COL4A3: variants seen among roughly 807,000 people sequenced by gnomAD.
COL4A3 encodes the protein collagen type IV alpha 3 chain.
COL4A3 carries 135 observed loss-of-function variants against 217.4 expected under a neutral mutation model. The observed-to-expected ratio is 0.62, with a 90% confidence interval of 0.54 to 0.72. The LOEUF is 0.72. COL4A3 is among the 30% of genes least tolerant of loss of function. COL4A3 has a pLI of 0.00. For synonymous variants in COL4A3, 690 were observed against 736.3 expected (o/e 0.94, Z 1.02); for missense variants, 1,868 against 2,119.9 (o/e 0.88, Z 2.33).
At chr2:227,199,253 T>C (rs2066594524) in intron 1 of COL4A3, among the ~76,000 whole-genome samples, 1 of 152,208 alleles carries the variant, frequency 6.6e-6, no homozygotes, top group African/African-American at 2.4e-5. Context: ...GCAACCTCAG[T>C]AGTTTTATAG....
At chr2:227,198,930 C>T (rs933439757) in intron 1 of COL4A3, among the ~76,000 whole-genome samples, 7 of 152,014 alleles carry the variant, frequency 4.6e-5, no homozygotes, top group African/African-American at 1.2e-4. Context: ...CTTTTAGAGG[C>T]AGGATGAAGT....
At chr2:227,257,535 A>G in intron 17 of COL4A3, 68 bp from the exon 18 acceptor site, 2 of 1,286,306 alleles carry the variant, frequency 1.6e-6, no homozygotes, top group Non-Finnish European at 2.3e-6. Flanking sequence ...TTAACTGTAC[A>G]TCTTGCTTTT....
intron 1 of COL4A3, among the ~76,000 whole-genome samples, chr2:227,173,609 A>G (rs952136772): frequency 6.6e-6 from 1 of 152,202 alleles, no homozygotes; most frequent in Non-Finnish European, 1.5e-5. Context: ...TCCATGCTAT[A>G]CAATAGAAAT....
At position 227,253,674 on chromosome 2, in the gene COL4A3, C is replaced by T. The variant is rs776362403; in HGVS notation, c.765+36C>T. On this transcript the variant is annotated intron_variant, in intron 13 of 51. Transcript: ENST00000396578. The surrounding 1 kb of genome is among the most constrained non-coding windows in gnomAD (Gnocchi z 4.4). The stretch of plus-strand genomic sequence containing the variant: ...GATTTTATGATTAGTGTTGTGCCTT[C>T]CCGTGTCTAGGATGAAGTCCTTGTG... 1.3e-6 allele frequency: 2 copies of T among 1,561,192 alleles called. No individual in the cohort carries two copies. The highest frequency in any genetic ancestry group is 1.8e-6 in the Non-Finnish European group (2 of 1,131,826).
chr2:227,225,788 T>C (rs1014621700), intron 1 of COL4A3, among the ~76,000 whole-genome samples: 1 of 150,960 alleles, frequency 6.6e-6, no homozygotes, highest in Non-Finnish European at 1.5e-5. Flanking sequence ...CTCTGCTTAC[T>C]GCAACCTCCA....
At chr2:227,256,609 G>T in intron 17 of COL4A3, 1 of 731,556 alleles carries the variant, frequency 1.4e-6, no homozygotes, top group Non-Finnish European at 2.5e-6. Context: ...CTTGTACTGT[G>T]TACTTGAAGC....
rs747475655 is a variant in COL4A3 at position 227,293,243 on chromosome 2, C to G, written c.3263C>G (p.Pro1088Arg). The change falls in exon 38 of 52, where the codon CCT becomes CGT. Residue 1088 changes from proline to arginine, a missense_variant. Pro to Arg is a moderately radical substitution (Grantham distance 103). Coordinates refer to ENST00000396578, the MANE Select transcript of COL4A3 (RefSeq NM_000091.5). ...GGAAAGAAAGGAGAAATGGGGCAAC[C>G]TGGCCCACCTGGACATTTGGGGCCT... Reference protein sequence around the residue: ...DMGKKGEMGQPGPPGHLGPAG... With the variant: ...DMGKKGEMGQRGPPGHLGPAG... 3 of 1,613,780 alleles carry G rather than the reference C, an allele frequency of 1.9e-6. No individual in the cohort carries two copies. The highest frequency in any genetic ancestry group is 2.5e-6 in the Non-Finnish European group (3 of 1,180,030).
chr2:227,283,473 A>T (rs2072111505), intron 32 of COL4A3, among the ~76,000 whole-genome samples: 1 of 152,234 alleles, frequency 6.6e-6, no homozygotes, highest in Admixed American at 6.5e-5. Context: ...AAGTGAAGGG[A>T]TAGAATAGAA....
chr2:227,261,752 A>G (rs1226762999), intron 20 of COL4A3, among the ~76,000 whole-genome samples: 1 of 152,224 alleles, frequency 6.6e-6, no homozygotes, highest in African/African-American at 2.4e-5. Flanking sequence ...AAACAATGTC[A>G]TGGTAATGAG....
chr2:227,246,793 T>A, intron 7 of COL4A3, 55 bp downstream of exon 7: 1 of 1,445,358 alleles, frequency 6.9e-7, no homozygotes. Flanking sequence ...ATAACAGTGG[T>A]CTACTCCATA....
At chr2:227,166,992 G>C (rs1327835219) in intron 1 of COL4A3, among the ~76,000 whole-genome samples, 1 of 152,174 alleles carries the variant, frequency 6.6e-6, no homozygotes, top group Non-Finnish European at 1.5e-5. Context: ...CTAGTTGTTA[G>C]CATGCTAGAA....
intron 34 of COL4A3, among the ~76,000 whole-genome samples, chr2:227,288,855 C>T (rs537719496): frequency 7.6e-4 from 116 of 152,156 alleles, no homozygotes; most frequent in African/African-American, 2.7e-3. Flanking sequence ...ATGCTATATG[C>T]TGTACTACAG....
chr2:227,237,928 C>G, intron 1 of COL4A3, 40 bp from the exon 2 acceptor site: 1 of 1,458,802 alleles, frequency 6.9e-7, no homozygotes, highest in Non-Finnish European at 9.6e-7. Context: ...ATTTATTCAG[C>G]TGTTTCTAAA....
At chr2:227,299,131 C>G (rs1365316555) in intron 43 of COL4A3, among the ~76,000 whole-genome samples, 1 of 152,216 alleles carries the variant, frequency 6.6e-6, no homozygotes, top group Non-Finnish European at 1.5e-5. Context: ...CATGGTGGCT[C>G]ACGCCTGTAA....
chr2:227,227,670 C>G (rs1380563621), intron 1 of COL4A3: 4 of 152,174 alleles, frequency 2.6e-5, no homozygotes, highest in African/African-American at 7.2e-5. Flanking sequence ...GGTTTCTCAT[C>G]TATTAGATGG....
chr2:227,267,924 C>T (rs1213068773), intron 23 of COL4A3, among the ~76,000 whole-genome samples: 2 of 152,206 alleles, frequency 1.3e-5, no homozygotes, highest in Non-Finnish European at 2.9e-5. Context: ...CCGGCTGTCA[C>T]CACCTCTGCT....
rs1003326473 is a variant in COL4A3, at chr2:227,314,682, A to C, written c.*2812A>C. On this transcript the variant is annotated 3_prime_UTR_variant, in exon 52 of 52. Transcript: ENST00000396578. ...ATTTAAAATATATTGAATATTTTATATTGTTATATCCTGACAAGATTATAA... is the reference window on the plus strand; with the variant it reads ...ATTTAAAATATATTGAATATTTTATCTTGTTATATCCTGACAAGATTATAA... The C allele has an allele frequency of 4.0e-5, 6 of 151,830 alleles. No individual in the cohort carries two copies. Among genetic ancestry groups the C allele is most frequent in the African/African-American group, 1.5e-4 (6 of 41,264 alleles). The allele number at this position is 151,830 out of a possible 1,614,324, so 9.4% of individuals were successfully genotyped here.
intron 16 of COL4A3, 75 bp from the exon 17 acceptor site, chr2:227,256,268 C>CA (rs2070165790): frequency 2.2e-6 from 3 of 1,387,232 alleles, no homozygotes; most frequent in African/African-American, 2.8e-5. Flanking sequence ...CAGAGGAGTT[C>CA]AAATTGCACC....
At chr2:227,204,905 T>C (rs1023620303) in intron 1 of COL4A3, among the ~76,000 whole-genome samples, 1 of 152,216 alleles carries the variant, frequency 6.6e-6, no homozygotes, top group Non-Finnish European at 1.5e-5. Context: ...TAATGACTGG[T>C]CATATGCGTG....
Sources: gnomAD v4.1 joint callset for allele counts (sites outside exome capture counted in the v4.1 genomes callset) on GRCh38, gnomAD v4.1.1 for gene constraint, Gnocchi (gnomAD v3.1) non-coding constraint, MANE v1.5 for transcripts, NCBI Gene and HGNC (gene_info 2026-07-23, HGNC 2026-07-21) for gene names.